Variants in PVT1 observed in about 807,000 individuals in gnomAD.
The protein encoded by PVT1 is Pvt1 oncogene, also known as CXCR4/PVT1 fusion.
At chr8:127,919,290 G>C (rs1373672811) in intron 3 of PVT1, among the ~76,000 whole-genome samples, 1 of 152,088 alleles carries the variant, frequency 6.6e-6, no homozygotes, top group Non-Finnish European at 1.5e-5. Context: ...GAAAATTCTC[G>C]GCATTCCTCC....
At chr8:128,005,377 A>T (rs1563663684) in intron 4 of PVT1, among the ~76,000 whole-genome samples, 1 of 152,174 alleles carries the variant, frequency 6.6e-6, no homozygotes, top group African/African-American at 2.4e-5. Flanking sequence ...CCTGTCTTAG[A>T]CTTTTAAGGA....
chr8:128,049,393 G>C (rs1325284480), intron 4 of PVT1, among the ~76,000 whole-genome samples: 2 of 152,204 alleles, frequency 1.3e-5, no homozygotes, highest in Non-Finnish European at 2.9e-5. Context: ...CCTGTGTGGG[G>C]CCCTGCCCTT....
intron 2 of PVT1, among the ~76,000 whole-genome samples, chr8:127,850,997 A>T (rs1815101264): frequency 6.8e-6 from 1 of 147,742 alleles, no homozygotes. Flanking sequence ...ATAGAGGGAG[A>T]CTCTGTCTCA....
chr8:128,069,333 A>T (rs1813952807), intron 4 of PVT1, among the ~76,000 whole-genome samples: 1 of 152,028 alleles, frequency 6.6e-6, no homozygotes, highest in Admixed American at 6.5e-5. Flanking sequence ...AGTCATTACC[A>T]TAGAATAAAG....
intron 5 of PVT1, among the ~76,000 whole-genome samples, chr8:128,092,688 C>A (rs527702162): frequency 6.6e-6 from 1 of 152,296 alleles, no homozygotes; most frequent in Non-Finnish European, 1.5e-5. Context: ...GGTCTACAGC[C>A]AAGTGTGGGA....
intron 2 of PVT1, among the ~76,000 whole-genome samples, chr8:127,884,042 A>G (rs995240612): frequency 4.6e-5 from 7 of 152,244 alleles, no homozygotes; most frequent in African/African-American, 1.7e-4. Flanking sequence ...AAAAGTGCAC[A>G]TGTCATATGT....
At chr8:128,089,447 A>G (rs901416337) in intron 5 of PVT1, among the ~76,000 whole-genome samples, 1 of 152,098 alleles carries the variant, frequency 6.6e-6, no homozygotes, top group East Asian at 1.9e-4. Flanking sequence ...AATCCCAATC[A>G]TGAGGAGGGC....
intron 6 of PVT1, among the ~76,000 whole-genome samples, chr8:128,100,135 C>G (rs1208427477): frequency 3.5e-5 from 1 of 28,858 alleles, no homozygotes; most frequent in East Asian, 6.9e-4. Context: ...CCATCCCTCC[C>G]TCCCTTCCTT....
At chr8:128,003,631 C>A (rs1172189865) in intron 4 of PVT1, among the ~76,000 whole-genome samples, 1 of 152,168 alleles carries the variant, frequency 6.6e-6, no homozygotes. Flanking sequence ...TTGCGCCTGG[C>A]CTGTTGATTT....
At chr8:127,805,822 G>T (rs1007819237) in intron 2 of PVT1, among the ~76,000 whole-genome samples, 2 of 152,250 alleles carry the variant, frequency 1.3e-5, no homozygotes, top group Admixed American at 6.5e-5. Context: ...TGAAGGGATG[G>T]TTATTGTGAG....
At chr8:128,081,251 C>G (rs1198131103) in intron 5 of PVT1, among the ~76,000 whole-genome samples, 1 of 152,174 alleles carries the variant, frequency 6.6e-6, no homozygotes, top group Non-Finnish European at 1.5e-5. Flanking sequence ...AAATAACTTG[C>G]TGGGATTTTG....
At chr8:127,925,468 G>T (rs1266065891) in intron 3 of PVT1, among the ~76,000 whole-genome samples, 1 of 152,226 alleles carries the variant, frequency 6.6e-6, no homozygotes, top group Non-Finnish European at 1.5e-5. Flanking sequence ...TAAGCATATG[G>T]TGGATGTTAC....
Position 127,989,666 on chromosome 8 carries a change from C to T in PVT1, n.912+375C>T, listed in dbSNP as rs114179371. The stretch of plus-strand genomic sequence containing the variant: ...GGGTTATATAATCAGATTGAAACAC[C>T]TTTGGGACATCCAGAACATGAGCTC... On this transcript the variant is annotated intron_variant and non_coding_transcript_variant, in intron 4 of 10. Transcript: ENST00000651587. Among the ~76,000 whole-genome samples the T allele has an allele frequency of 7.0e-3, 1,063 of 152,256 alleles. 16 individuals carry two copies. Among genetic ancestry groups the T allele is most frequent in the African/African-American group, 0.024 (1,014 of 41,542 alleles).
intron 2 of PVT1, among the ~76,000 whole-genome samples, chr8:127,804,037 A>G (rs1814499173): frequency 6.6e-6 from 1 of 151,994 alleles, no homozygotes; most frequent in South Asian, 2.1e-4. Flanking sequence ...TCTTATTTTT[A>G]ATTAACTGGG....
chr8:128,042,177 G>A (rs1813553508), intron 4 of PVT1, among the ~76,000 whole-genome samples: 1 of 152,192 alleles, frequency 6.6e-6, no homozygotes. Flanking sequence ...TGGAAAAATG[G>A]TTGGTGTGAA....
At chr8:127,932,164 C>T (rs141167317) in intron 3 of PVT1, among the ~76,000 whole-genome samples, 118 of 152,308 alleles carry the variant, frequency 7.7e-4, no homozygotes, top group Middle Eastern at 3.4e-3. Flanking sequence ...CCGTGCACTC[C>T]CAGCCCACTT....
intron 3 of PVT1, among the ~76,000 whole-genome samples, chr8:127,896,951 G>A (rs1455957811): frequency 6.6e-6 from 1 of 152,032 alleles, no homozygotes; most frequent in East Asian, 1.9e-4. Flanking sequence ...CTGGGCGGGC[G>A]GTGGCTGACC....
At chr8:127,863,397 A>T (rs1356517922) in intron 2 of PVT1, among the ~76,000 whole-genome samples, 2 of 152,172 alleles carry the variant, frequency 1.3e-5, no homozygotes, top group Non-Finnish European at 2.9e-5. Context: ...GGCATGAGCC[A>T]CCGTGCCTGG....
At chr8:127,910,064 G>C (rs182687995) in intron 3 of PVT1, among the ~76,000 whole-genome samples, 5 of 152,170 alleles carry the variant, frequency 3.3e-5, no homozygotes, top group African/African-American at 1.2e-4. Context: ...TGCTGGGAGT[G>C]GGGTGCAGGG....
Sources: allele counts gnomAD v4.1 joint callset (sites outside exome capture counted in the v4.1 genomes callset), GRCh38; gene constraint gnomAD v4.1.1; transcripts MANE v1.5; gene names NCBI Gene and HGNC (gene_info 2026-07-23, HGNC 2026-07-21).